The following CDH3 variants were observed in gnomAD, a reference collection of about 807,000 sequenced individuals.
CDH3 encodes cadherin-3.
Under a neutral mutation model 82.0 loss-of-function variants are expected in CDH3, and 54 were observed. The observed-to-expected ratio is 0.66, with a 90% CI of 0.53 to 0.83. The LOEUF (loss-of-function observed/expected upper bound fraction) is 0.83, where lower values mean the gene tolerates loss of function less well. CDH3 is among the 40% of genes least tolerant of loss of function. CDH3 has a pLI of 0.00. For missense variants in CDH3, 1,054 were observed against 1,084.6 expected, an observed-to-expected ratio of 0.97 and a Z score of 0.40; for synonymous variants, 446 against 437.9, an observed-to-expected ratio of 1.02 and a Z score of -0.23.
intron 2 of CDH3, among the ~76,000 whole-genome samples, chr16:68,725,217 T>G (rs1353175100): frequency 6.6e-6 from 1 of 152,204 alleles, no homozygotes. Context: ...TGGAGGGGCC[T>G]GCTGCCCATG....
chr16:68,682,525 G>T (rs375512926), intron 9 of CDH3, 38 bp downstream of exon 9: 4 of 1,589,972 alleles, frequency 2.5e-6, no homozygotes, highest in Non-Finnish European at 3.5e-6. Context: ...GCTATACCTG[G>T]GGCAGTCAGG....
rs557061051 is a variant in CDH3, at chr16:68,707,185, T to G, written c.99+11262T>G. Reference sequence around the variant, plus strand: ...GGCAAGGGCTAAGGGTTTAGCAGGTTTCAGCAGGGTTTAGCAGGGAGGCCA... The same window carrying G: ...GGCAAGGGCTAAGGGTTTAGCAGGTGTCAGCAGGGTTTAGCAGGGAGGCCA... On this transcript the variant is annotated intron_variant, in intron 1 of 2. Coordinates refer to the CDH3 transcript ENST00000569080. This position sits in a 1 kb window ranked among gnomAD's most constrained non-coding sequence, Gnocchi z 4.5. Among the ~76,000 whole-genome samples the G allele has an allele frequency of 2.4e-3, 368 of 152,262 alleles. No homozygotes were observed. The highest frequency in any genetic ancestry group is 6.8e-3 in the Middle Eastern group (2 of 294).
intron 2 of CDH3, chr16:68,651,959 T>C (rs1407942786): frequency 6.1e-6 from 2 of 328,322 alleles, no homozygotes; most frequent in African/African-American, 4.3e-5. Context: ...AGAATACGGC[T>C]GGCAGGTGCG....
At chr16:68,724,913 C>T (rs892560237) in intron 2 of CDH3, among the ~76,000 whole-genome samples, 7 of 152,166 alleles carry the variant, frequency 4.6e-5, no homozygotes, top group African/African-American at 1.2e-4. Flanking sequence ...CATTGGCTGC[C>T]GAGCCAGCAG....
chr16:68,645,893 C>T (rs1350164272), intron 2 of CDH3, 143 bp downstream of exon 2: 8 of 657,032 alleles, frequency 1.2e-5, no homozygotes, highest in Admixed American at 2.8e-5. Flanking sequence ...GCCTCGGGGG[C>T]TGGGATTGGG....
intron 13 of CDH3, among the ~76,000 whole-genome samples, chr16:68,693,685 C>G (rs571507739): frequency 1.3e-5 from 2 of 152,188 alleles, no homozygotes; most frequent in African/African-American, 2.4e-5. Flanking sequence ...CTTCAGAACC[C>G]GTGGACTCCC....
downstream of CDH3, among the ~76,000 whole-genome samples, chr16:68,703,959 T>C (rs1333038836): frequency 1.4e-5 from 2 of 143,790 alleles, no homozygotes; most frequent in Admixed American, 7.1e-5. Context: ...ATAATAATAA[T>C]CATAATTAAT....
chr16:68,675,793 GAAA>G (rs571278010), intron 2 of CDH3, among the ~76,000 whole-genome samples: 1 of 110,640 alleles, frequency 9.0e-6, no homozygotes. Context: ...ACTCTGCCTC[GAAA>G]AAAAAAAAAA....
chr16:68,711,049 G>T (rs963852069), intron 1 of CDH3, among the ~76,000 whole-genome samples: 27 of 150,408 alleles, frequency 1.8e-4, no homozygotes, highest in Admixed American at 4.0e-4. Context: ...GGTGGCTCAT[G>T]CCTGTAATCC....
At chr16:68,686,814 A>T (rs1961424858) in intron 11 of CDH3, 6 of 504,460 alleles carry the variant, frequency 1.2e-5, no homozygotes, top group Middle Eastern at 5.7e-4. Context: ...AATGACCAAA[A>T]AAAATAAGCT....
At chr16:68,726,044 C>CA (rs915395567) in intron 2 of CDH3, among the ~76,000 whole-genome samples, 7 of 150,634 alleles carry the variant, frequency 4.6e-5, no homozygotes, top group African/African-American at 9.8e-5. Context: ...GACCTTGTCT[C>CA]AAAAAAAAGA....
At chr16:68,702,996 C>T (rs1213889945), downstream of CDH3, among the ~76,000 whole-genome samples, 2 of 152,188 alleles carry the variant, frequency 1.3e-5, no homozygotes, top group African/African-American at 4.8e-5. Context: ...GTGCCCCAAT[C>T]CCTCCCTGAC....
At chr16:68,711,570 C>G (rs1390529724) in intron 1 of CDH3, among the ~76,000 whole-genome samples, 1 of 152,134 alleles carries the variant, frequency 6.6e-6, no homozygotes, top group East Asian at 1.9e-4. Context: ...GTGCCGGTTT[C>G]CCACAGCCTC....
At chr16:68,649,535 A>G (rs1161950638) in intron 2 of CDH3, among the ~76,000 whole-genome samples, 2 of 152,234 alleles carry the variant, frequency 1.3e-5, no homozygotes, top group African/African-American at 4.8e-5. Flanking sequence ...GGGAGCTTAC[A>G]GTCTAGTAAT....
At chr16:68,645,509 G>A in intron 1 of CDH3, 85 bp downstream of exon 1, 4 of 1,513,594 alleles carry the variant, frequency 2.6e-6, no homozygotes, top group Non-Finnish European at 3.6e-6. Flanking sequence ...GCGTCGGGGA[G>A]AGCGCGGGGC....
At position 68,654,380 on chromosome 16, in the gene CDH3, A is replaced by ATTTTTTTTTTT. The variant is rs1176713669; in HGVS notation, c.160+8658_160+8668dup. Among the ~76,000 whole-genome samples the ATTTTTTTTTTT allele has an allele frequency of 6.2e-4, 30 of 48,530 alleles. 3 individuals are homozygous for ATTTTTTTTTTT. Among genetic ancestry groups the ATTTTTTTTTTT allele is most frequent in the Non-Finnish European group, 8.2e-4 (24 of 29,220 alleles). 31.8% of individuals were successfully genotyped at this position (48,530 alleles called of 152,430 possible). On this transcript the variant is annotated intron_variant, in intron 2 of 15. Coordinates refer to ENST00000264012, the MANE Select transcript of CDH3 (RefSeq NM_001793.6). ...GGCCTTTTTCTTAATTTTTAAATTA[A>ATTTTTTTTTTT]TTTTTTTTTTTTTTTTTTTTTTTTT... is the stretch of plus-strand genomic sequence containing the variant.
chr16:68,721,321 C>T (rs185593042), intron 1 of CDH3, among the ~76,000 whole-genome samples: 1 of 149,066 alleles, frequency 6.7e-6, no homozygotes, highest in Non-Finnish European at 1.5e-5. Flanking sequence ...GCAACCTCTG[C>T]CTCCCAGTTT....
In CDH3 at chr16:68,699,887, G is replaced by A. The variant is rs1453474076; in HGVS notation, c.*1487G>A. On this transcript the variant is annotated 3_prime_UTR_variant, in exon 16 of 16. Transcript: ENST00000264012. Reference sequence around the variant, plus strand: ...TTAAGTGAATTAATATCTGGCACATGGTCCATGCAATCTGTTAGTTGGTAA... The same window carrying A: ...TTAAGTGAATTAATATCTGGCACATAGTCCATGCAATCTGTTAGTTGGTAA... 1 of 152,156 alleles carries A rather than the reference G, an allele frequency of 6.6e-6. No homozygotes were observed. The highest frequency in any genetic ancestry group is 1.9e-4 in the East Asian group (1 of 5,194). The allele number at this position is 152,156 out of a possible 1,614,324, so 9.4% of individuals were successfully genotyped here.
At chr16:68,703,313 CACTT>C (rs1175191335), downstream of CDH3, among the ~76,000 whole-genome samples, 3 of 152,162 alleles carry the variant, frequency 2.0e-5, no homozygotes, top group Non-Finnish European at 4.4e-5. Flanking sequence ...CTCACTCACT[CACTT>C]CCGGGCCCAC....
Sources: allele counts gnomAD v4.1 joint callset (sites outside exome capture counted in the v4.1 genomes callset), GRCh38; gene constraint gnomAD v4.1.1; non-coding constraint Gnocchi (gnomAD v3.1); transcripts MANE v1.5; gene names NCBI Gene and HGNC (gene_info 2026-07-23, HGNC 2026-07-21).